DDHD1: variants seen among roughly 807,000 people sequenced by gnomAD.
DDHD1 encodes phospholipase DDHD1.
DDHD1 carries 49 observed loss-of-function variants against 96.4 expected under a neutral mutation model. The observed-to-expected ratio is 0.51, with a 90% confidence interval of 0.40 to 0.64. The LOEUF (loss-of-function observed/expected upper bound fraction) is 0.64, where lower values mean the gene tolerates loss of function less well. DDHD1 is among the 30% of genes least tolerant of loss of function. The pLI, the probability that DDHD1 is intolerant of heterozygous loss-of-function variation, is 0.00. For missense variants in DDHD1, 1,106 were observed against 1,161.2 expected (o/e 0.95, Z 0.69); for synonymous variants, 442 against 446.5 (o/e 0.99, Z 0.13).
At chr14:53,092,233 G>A (rs933358470) in intron 3 of DDHD1, 9 of 199,698 alleles carry the variant, frequency 4.5e-5, no homozygotes, top group African/African-American at 7.0e-5. Flanking sequence ...AAAAAGAAAT[G>A]GCAAACTGGA....
chr14:53,088,232 C>T (rs867072072), intron 4 of DDHD1, among the ~76,000 whole-genome samples: 8 of 152,244 alleles, frequency 5.3e-5, no homozygotes, highest in South Asian at 2.1e-4. Context: ...CCAAATTCTT[C>T]CAGAGGTACA....
chr14:53,071,784 T>C (rs959596800), intron 6 of DDHD1, among the ~76,000 whole-genome samples: 2 of 152,072 alleles, frequency 1.3e-5, no homozygotes, highest in African/African-American at 4.8e-5. Flanking sequence ...TATTTACTGA[T>C]TAAAGGCCCA....
chr14:53,084,559 T>G (rs1328171996), intron 4 of DDHD1, among the ~76,000 whole-genome samples: 1 of 152,174 alleles, frequency 6.6e-6, no homozygotes, highest in South Asian at 2.1e-4. Context: ...AGTGAAGAGA[T>G]TTCTGTAATA....
intron 7 of DDHD1, among the ~76,000 whole-genome samples, chr14:53,062,044 A>AAG (rs1883614172): frequency 6.6e-6 from 1 of 151,776 alleles, no homozygotes; most frequent in African/African-American, 2.4e-5. Context: ...CCAAAAAAAA[A>AAG]AAAAAAAAAA....
Position 53,046,952 on chromosome 14 carries a change from A to G in DDHD1, c.2522-3T>C, listed in dbSNP as rs1882059675. On this transcript the variant is annotated splice_polypyrimidine_tract_variant and splice_region_variant and intron_variant, in intron 12 of 12. Transcript: ENST00000673822. ...ATCAATCCTGTGATCCAACTCCACT[A>G]AAAAGAAAAGAAGTTAAACAAATGA... 1.6e-5 allele frequency: 26 copies of G among 1,597,928 alleles called. No individual in the cohort carries two copies. The highest frequency in any genetic ancestry group is 2.2e-5 in the Non-Finnish European group (26 of 1,173,460).
intron 4 of DDHD1, among the ~76,000 whole-genome samples, chr14:53,085,102 GTAAA>G (rs1885827809): frequency 6.6e-6 from 1 of 152,218 alleles, no homozygotes; most frequent in Non-Finnish European, 1.5e-5. Flanking sequence ...GCTTGAGTAG[GTAAA>G]TAAAGTGGCT....
At chr14:53,053,159 C>T (rs1319766377) in intron 11 of DDHD1, 1 of 151,994 alleles carries the variant, frequency 6.6e-6, no homozygotes, top group African/African-American at 2.4e-5. Context: ...TGACTTTTTA[C>T]CTGCTACCTT....
Position 53,103,801 on chromosome 14 carries a change from C to A in DDHD1, c.894G>T (p.Gln298His). 1 of 1,612,886 alleles carries A rather than the reference C, an allele frequency of 6.2e-7. No individual in the cohort carries two copies. Residue 298 changes from glutamine (Q) to histidine (H), a missense_variant, in exon 2 of 13, where the codon CAG becomes CAT. Around this residue, in one of 2 missense-constraint regions of DDHD1, gnomAD observed 650 missense variants for 758.8 expected, o/e 0.86. Coordinates refer to ENST00000673822, the MANE Select transcript of DDHD1 (RefSeq NM_001160148.2). ...AATTACTTTCTTCCTCTTCTAGAGG[C>A]TGCCAAGTGCCGTCAATAAACCACT... ...RGQWFIDGTW[Q>H]PLEEEESNLI... is the part of the protein sequence containing the mutation.
chr14:53,061,843 G>A (rs1883584407), intron 7 of DDHD1, among the ~76,000 whole-genome samples: 1 of 151,990 alleles, frequency 6.6e-6, no homozygotes, highest in Admixed American at 6.6e-5. Context: ...AGACCAGCCT[G>A]GCCAACATGG....
intron 12 of DDHD1, among the ~76,000 whole-genome samples, chr14:53,049,439 T>C (rs553026273): frequency 6.6e-6 from 1 of 152,290 alleles, no homozygotes; most frequent in East Asian, 1.9e-4. Flanking sequence ...ATGTTCCATC[T>C]TTTTTCTCTC....
intron 1 of DDHD1, among the ~76,000 whole-genome samples, chr14:53,122,039 C>A (rs932308392): frequency 6.6e-6 from 1 of 152,024 alleles, no homozygotes; most frequent in Admixed American, 6.6e-5. Context: ...GTAAATAGTT[C>A]TCTCTTGCCA....
chr14:53,088,749 GA>G (rs1828476663), intron 4 of DDHD1, among the ~76,000 whole-genome samples: 1 of 152,304 alleles, frequency 6.6e-6, no homozygotes, highest in East Asian at 1.9e-4. Context: ...CATTCCCTTT[GA>G]AAACTGGCAC....
intron 1 of DDHD1, among the ~76,000 whole-genome samples, chr14:53,139,574 C>T (rs908977752): frequency 1.3e-5 from 2 of 151,946 alleles, no homozygotes; most frequent in Non-Finnish European, 1.5e-5. Flanking sequence ...AAACGTCTAG[C>T]GAAATACAAG....
At position 53,099,978 on chromosome 14, in the gene DDHD1, G is replaced by A. The variant is rs145921238; in HGVS notation, c.1012+3705C>T. On this transcript the variant is annotated intron_variant, in intron 2 of 12. Transcript: ENST00000673822. ...GCTCATTTTGAGATTAGTAAGGAAA[G>A]TTAATAAGGAGGAAAAGATTAAATA... Among the ~76,000 whole-genome samples the A allele has an allele frequency of 6.1e-3, 926 of 151,984 alleles. 9 individuals carry two copies. The highest frequency in any genetic ancestry group is 0.02 in the South Asian group (98 of 4,814).
At chr14:53,084,593 T>A (rs907478608) in intron 4 of DDHD1, among the ~76,000 whole-genome samples, 3 of 152,180 alleles carry the variant, frequency 2.0e-5, no homozygotes, top group Admixed American at 6.5e-5. Flanking sequence ...TTGAAAAGGA[T>A]CAAGGTTGGC....
chr14:53,132,134 G>GCCCTAAAAGCTGCT (rs1423680322), intron 1 of DDHD1, among the ~76,000 whole-genome samples: 4 of 152,036 alleles, frequency 2.6e-5, no homozygotes, highest in African/African-American at 9.7e-5. Context: ...TTAAAAAACA[G>GCCCTAAAAGCTGCT]CCCTAAAAGC....
rs550729428 is a variant in DDHD1 at position 53,056,800 on chromosome 14, A to G, written c.1993-888T>C. ...TTTTAAAAATCACAGAAAAACTATA[A>G]AATGAATAATAAAAATTTAAGAGTT... On this transcript the variant is annotated intron_variant, in intron 9 of 12. Coordinates refer to ENST00000673822, the MANE Select transcript of DDHD1 (RefSeq NM_001160148.2). Among the ~76,000 whole-genome samples the G allele has an allele frequency of 5.3e-5, 8 of 152,350 alleles. No homozygotes were observed. In the South Asian group the frequency reaches 1.7e-3, roughly 32 times the overall value.
Position 53,153,243 on chromosome 14 carries a change from G to C in DDHD1, c.-145C>G, listed in dbSNP as rs1595290947. ...CCGAGCTGCGGCGGCAGCGGCGACC[G>C]CTCCGCCCCCACGAGACCCGCAGCC... On this transcript the variant is annotated 5_prime_UTR_variant, in exon 1 of 13. Transcript: ENST00000673822. The C allele has an allele frequency of 4.4e-6, 3 of 686,532 alleles. No individual in the cohort carries two copies. The highest frequency in any genetic ancestry group is 7.0e-5 in the South Asian group (2 of 28,718). 42.5% of individuals were successfully genotyped at this position (686,532 alleles called of 1,614,324 possible).
intron 7 of DDHD1, among the ~76,000 whole-genome samples, chr14:53,061,989 C>G (rs571316998): frequency 7.0e-6 from 1 of 142,164 alleles, no homozygotes; most frequent in African/African-American, 2.7e-5. Flanking sequence ...GAGCTGAGAC[C>G]GTGCCACTGC....
Sources: allele counts gnomAD v4.1 joint callset (sites outside exome capture counted in the v4.1 genomes callset), GRCh38; gene constraint gnomAD v4.1.1; regional missense constraint gnomAD v4.1.1; transcripts MANE v1.5; gene names NCBI Gene and HGNC (gene_info 2026-07-23, HGNC 2026-07-21).